RBFOX1: variants seen among roughly 807,000 people sequenced by gnomAD.
The protein encoded by RBFOX1 is RNA binding fox-1 homolog 1.
A neutral mutation model predicts 57.7 loss-of-function variants in RBFOX1; 8 were observed. That is an observed-to-expected ratio of 0.14 (90% confidence interval 0.08 to 0.25). The LOEUF (loss-of-function observed/expected upper bound fraction) is 0.25, where lower values mean the gene tolerates loss of function less well. Ranked by LOEUF, RBFOX1 falls within the 10% of genes least tolerant of loss-of-function variation. RBFOX1 has a pLI of 1.00. For missense variants in RBFOX1, 611 were observed against 548.5 expected (o/e 1.11, Z -1.14); for synonymous variants, 326 against 222.4 (o/e 1.47, Z -4.15).
chr16:7,375,289 C>G (rs61404008), intron 4 of RBFOX1, among the ~76,000 whole-genome samples: 2,030 of 152,304 alleles, frequency 0.013, 27 homozygotes, highest in Non-Finnish European at 0.022. Flanking sequence ...AAAACTACTT[C>G]TATGCCATCT....
intron 13 of RBFOX1, among the ~76,000 whole-genome samples, chr16:7,670,847 T>A: frequency 6.6e-6 from 1 of 152,192 alleles, no homozygotes; most frequent in East Asian, 1.9e-4. Flanking sequence ...TGACCATGAA[T>A]GACTCTTATG....
intron 4 of RBFOX1, among the ~76,000 whole-genome samples, chr16:7,246,464 G>C (rs1434377474): frequency 6.6e-6 from 1 of 152,054 alleles, no homozygotes; most frequent in African/African-American, 2.4e-5. Flanking sequence ...AATCAAACTC[G>C]TTGTTTTGCT....
At chr16:7,215,072 G>A (rs886160985) in intron 4 of RBFOX1, among the ~76,000 whole-genome samples, 5 of 151,968 alleles carry the variant, frequency 3.3e-5, no homozygotes, top group Non-Finnish European at 5.9e-5. Context: ...CACCCCCCGC[G>A]GACAGGCCCT....
intron 1 of RBFOX1, among the ~76,000 whole-genome samples, chr16:6,297,722 A>T (rs1323288488): frequency 6.6e-6 from 1 of 151,992 alleles, no homozygotes; most frequent in Non-Finnish European, 1.5e-5. Flanking sequence ...CCAGAAGGAG[A>T]TGAAGAGACA....
rs181104783 is a variant in RBFOX1 at position 7,058,875 on chromosome 16, C to G, written c.27+6777C>G. On this transcript the variant is annotated intron_variant, in intron 4 of 15. Coordinates refer to ENST00000550418, the MANE Select transcript of RBFOX1 (RefSeq NM_018723.4). ...TTGCTTTAAAGATAAATATTAACTT[C>G]ATAATGTTACATATTGCCCGCAGTT... 5.5e-4 allele frequency among the ~76,000 whole-genome samples: 84 copies of G among 152,192 alleles called. 2 individuals are homozygous for G. Among genetic ancestry groups the G allele is most frequent in the Admixed American group, 3.3e-3 (51 of 15,268 alleles).
Position 6,170,435 on chromosome 16 carries a change from T to C in RBFOX1, c.-126-146560T>C, listed in dbSNP as rs116680808. ...AATTAATAAAGTCACCAAGGAATTG[T>C]GGGCTCCTCTTCTGCTCTGAGCCCC... On this transcript the variant is annotated intron_variant, in intron 1 of 15. Transcript: ENST00000550418. 9.9e-3 allele frequency among the ~76,000 whole-genome samples: 1,514 copies of C among 152,288 alleles called. 21 individuals carry two copies. Among genetic ancestry groups the C allele is most frequent in the African/African-American group, 0.034 (1,429 of 41,562 alleles).
At chr16:5,500,092 TCCATTCCCTCCCTTCCCTC>T (rs2043134405) in intron 2 of RBFOX1, among the ~76,000 whole-genome samples, 1 of 149,372 alleles carries the variant, frequency 6.7e-6, no homozygotes, top group African/African-American at 2.5e-5. Context: ...CTGCCTTCCC[TCCATTCCCTCCCTTCCCTC>T]CCTTCCCTCC....
chr16:6,834,440 G>C (rs2092939086), intron 3 of RBFOX1, among the ~76,000 whole-genome samples: 1 of 152,088 alleles, frequency 6.6e-6, no homozygotes, highest in Admixed American at 6.6e-5. Flanking sequence ...TTTGGGAGGG[G>C]AAGCGTCAAT....
chr16:5,353,842 C>T (rs937464909), intron 1 of RBFOX1, among the ~76,000 whole-genome samples: 1 of 151,974 alleles, frequency 6.6e-6, no homozygotes. Flanking sequence ...CCACAAGATG[C>T]TGGGATACAG....
chr16:7,425,788 C>T (rs1414806067), intron 4 of RBFOX1, among the ~76,000 whole-genome samples: 3 of 152,310 alleles, frequency 2.0e-5, no homozygotes, highest in East Asian at 3.9e-4. Flanking sequence ...AAAGGATCGC[C>T]TTCCAGGATT....
At chr16:6,161,253 G>C (rs776247506) in intron 1 of RBFOX1, among the ~76,000 whole-genome samples, 1 of 152,062 alleles carries the variant, frequency 6.6e-6, no homozygotes, top group Non-Finnish European at 1.5e-5. Context: ...GCTTGGCATG[G>C]TGGTGCACGC....
chr16:6,941,737 G>C (rs1018179638), intron 3 of RBFOX1, among the ~76,000 whole-genome samples: 3 of 152,186 alleles, frequency 2.0e-5, no homozygotes, highest in Non-Finnish European at 4.4e-5. Context: ...TGGCTTCTGA[G>C]AATGTGGTAA....
At chr16:7,079,485 G>A (rs1409724675) in intron 4 of RBFOX1, among the ~76,000 whole-genome samples, 2 of 152,172 alleles carry the variant, frequency 1.3e-5, no homozygotes, top group African/African-American at 2.4e-5. Context: ...AATAGAGGGA[G>A]CTATTCAGCA....
intron 3 of RBFOX1, among the ~76,000 whole-genome samples, chr16:6,800,303 C>G (rs1459975361): frequency 6.6e-6 from 1 of 151,974 alleles, no homozygotes; most frequent in African/African-American, 2.4e-5. Flanking sequence ...TAGTCCTGGG[C>G]CAACCAGACG....
chr16:6,550,854 T>C (rs753018071), intron 2 of RBFOX1, among the ~76,000 whole-genome samples: 4 of 152,214 alleles, frequency 2.6e-5, no homozygotes, highest in South Asian at 2.1e-4. Context: ...TGGCCCTAAA[T>C]AGATATTTAA....
intron 2 of RBFOX1, among the ~76,000 whole-genome samples, chr16:6,328,262 C>A (rs924206186): frequency 6.6e-6 from 1 of 152,074 alleles, no homozygotes; most frequent in African/African-American, 2.4e-5. Flanking sequence ...ATGCAAGGAA[C>A]TTTGGGCACT....
At chr16:6,279,025 A>G (rs1050950547) in intron 1 of RBFOX1, among the ~76,000 whole-genome samples, 17 of 152,162 alleles carry the variant, frequency 1.1e-4, no homozygotes, top group African/African-American at 3.6e-4. Flanking sequence ...TTAGTGCAAA[A>G]TTAATTGATC....
intron 4 of RBFOX1, among the ~76,000 whole-genome samples, chr16:7,402,255 G>C (rs922277203): frequency 2.0e-5 from 3 of 152,148 alleles, no homozygotes; most frequent in African/African-American, 7.2e-5. Context: ...GGTCAACTAA[G>C]TTATTCAGTC....
At chr16:6,549,401 AGGAGGAGGGAGGAGGAGGAGGAGG>A (rs1455317065) in intron 2 of RBFOX1, among the ~76,000 whole-genome samples, 3 of 4,832 alleles carry the variant, frequency 6.2e-4, no homozygotes, top group African/African-American at 8.2e-4. Context: ...GGGAGGGAGG[AGGAGGAGGGAGGAGGAGGAGGAGG>A]GGAGGAGGGA....
Sources: allele counts gnomAD v4.1 joint callset (sites outside exome capture counted in the v4.1 genomes callset), GRCh38; gene constraint gnomAD v4.1.1; transcripts MANE v1.5; gene names NCBI Gene and HGNC (gene_info 2026-07-23, HGNC 2026-07-21).